The following ZNF639 variants were observed in gnomAD, a reference collection of about 807,000 sequenced individuals.
ZNF639 encodes the protein zinc finger protein 639.
ZNF639 carries 20 observed loss-of-function variants against 39.8 expected under a neutral mutation model. That is an observed-to-expected ratio of 0.50 (90% CI 0.35 to 0.73). The LOEUF is 0.73. Among genes scored for constraint, ZNF639 ranks in the 30% least tolerant of loss-of-function variants. ZNF639 has a pLI of 0.00. For missense variants in ZNF639, 477 were observed against 566.2 expected, an observed-to-expected ratio of 0.84 and a Z score of 1.60; for synonymous variants, 176 against 189.8, an observed-to-expected ratio of 0.93 and a Z score of 0.60.
chr3:179,331,971 AAAG>A (rs1422584320), intron 4 of ZNF639, among the ~76,000 whole-genome samples: 1 of 152,168 alleles, frequency 6.6e-6, no homozygotes, highest in Non-Finnish European at 1.5e-5. Flanking sequence ...ATTTTAAAAA[AAAG>A]AAAGCAGACA....
rs1727375729 is a variant in ZNF639 at position 179,323,155 on chromosome 3, T to A, written c.-219T>A. ...GGAGAGGGGTCGGCCCAGCACAGCG[T>A]CCGGGAGCGCTAGGGCCGGAGCAGC... On this transcript the variant is annotated 5_prime_UTR_variant, in exon 1 of 6. Coordinates refer to ENST00000496856, the MANE Select transcript of ZNF639 (RefSeq NM_001303426.2). 1.0e-6 allele frequency: 1 copy of A among 984,322 alleles called. No homozygotes were observed. Among genetic ancestry groups the A allele is most frequent in the Non-Finnish European group, 1.2e-6 (1 of 829,604 alleles). 61.0% of individuals were successfully genotyped at this position (984,322 alleles called of 1,614,324 possible). A position where few individuals can be genotyped will look rare whatever the true frequency, so the allele number is the denominator to read the frequency against.
Position 179,334,589 on chromosome 3 carries a change from A to G in ZNF639, c.*167A>G, listed in dbSNP as rs1269815742. ...GCATTGCTCCATTTTCTGTATATAA[A>G]TATATCTTTAATGTGGTATTTTCAA... On this transcript the variant is annotated 3_prime_UTR_variant, in exon 6 of 6. Transcript: ENST00000496856. 6.9e-6 allele frequency: 3 copies of G among 436,738 alleles called. No homozygotes were observed. The highest frequency in any genetic ancestry group is 3.9e-6 in the Non-Finnish European group (1 of 255,280). 27.1% of individuals were successfully genotyped at this position (436,738 alleles called of 1,614,324 possible). A position where few individuals can be genotyped will look rare whatever the true frequency, so the allele number is the denominator to read the frequency against.
chr3:179,329,142 A>G (rs1727762822), intron 3 of ZNF639, among the ~76,000 whole-genome samples: 1 of 152,206 alleles, frequency 6.6e-6, no homozygotes. Flanking sequence ...TACCCAGCCT[A>G]CACATTCTTC....
chr3:179,330,332 A>G (rs114573173), intron 4 of ZNF639, among the ~76,000 whole-genome samples: 1,644 of 152,252 alleles, frequency 0.011, 38 homozygotes, highest in African/African-American at 0.038. Context: ...CCATGCAGCC[A>G]TGTCTCACTC....
At position 179,333,222 on chromosome 3, in the gene ZNF639, G is replaced by T. The variant is rs1728016441; in HGVS notation, c.305-47G>T. ...TTTTTTTGCCCAGTTGTATTTAACA[G>T]ATCTTATTTAGTTATAGTCATATAA... On this transcript the variant is annotated intron_variant, in intron 5 of 5. Coordinates refer to ENST00000496856, the MANE Select transcript of ZNF639 (RefSeq NM_001303426.2). The T allele has an allele frequency of 1.9e-6, 3 of 1,559,842 alleles. No individual in the cohort carries two copies. The African/African-American group carries it at 4.1e-5, about 22-fold the overall frequency.
Position 179,328,774 on chromosome 3 carries a change from A to ATTTTT in ZNF639, c.58+438_58+442dup, listed in dbSNP as rs35129479. ...TGTAAACTTTCATGCTGAATGTGTAATTTTTTTTTTTTTTTTTTTGAGACA... is the reference window on the plus strand; with the variant it reads ...TGTAAACTTTCATGCTGAATGTGTAATTTTTTTTTTTTTTTTTTTTTTTTGAGACA... On this transcript the variant is annotated intron_variant, in intron 3 of 5. Coordinates refer to ENST00000496856, the MANE Select transcript of ZNF639 (RefSeq NM_001303426.2). Among the ~76,000 whole-genome samples, 7 of 135,506 alleles carry ATTTTT rather than the reference A, an allele frequency of 5.2e-5. 1 individual carries two copies. Among genetic ancestry groups the ATTTTT allele is most frequent in the African/African-American group, 1.6e-4 (6 of 36,458 alleles). The allele number at this position is 135,506 out of a possible 152,430, so 88.9% of individuals were successfully genotyped here.
chr3:179,330,712 A>T (rs1180591913), intron 4 of ZNF639, among the ~76,000 whole-genome samples: 1 of 146,872 alleles, frequency 6.8e-6, no homozygotes, highest in Non-Finnish European at 1.5e-5. Flanking sequence ...CATAGTGTGG[A>T]AGAAAAGAAC....
Position 179,337,682 on chromosome 3 carries a change from A to C in ZNF639, c.*3260A>C, listed in dbSNP as rs1711588133. On this transcript the variant is annotated 3_prime_UTR_variant, in exon 6 of 6. Coordinates refer to ENST00000496856, the MANE Select transcript of ZNF639 (RefSeq NM_001303426.2). ...AATCTGCAGCTTCAGGACCTATCCC[A>C]ATGACAGTTTGTCCCACAAAACCTT... is the stretch of plus-strand genomic sequence containing the variant. The C allele has an allele frequency of 6.6e-6, 1 of 152,094 alleles. No homozygotes were observed. The allele number at this position is 152,094 out of a possible 1,614,324, so 9.4% of individuals were successfully genotyped here.
chr3:179,328,813 T>C (rs1235476242), intron 3 of ZNF639, among the ~76,000 whole-genome samples: 4 of 148,888 alleles, frequency 2.7e-5, no homozygotes, highest in African/African-American at 7.4e-5. Context: ...TCTCACTCTC[T>C]AGCCCAGGCT....
chr3:179,324,355 A>G (rs1187157131), intron 1 of ZNF639, among the ~76,000 whole-genome samples: 1 of 152,172 alleles, frequency 6.6e-6, no homozygotes, highest in African/African-American at 2.4e-5. Flanking sequence ...AAAAATTTTT[A>G]AACATTTTTC....
intron 1 of ZNF639, among the ~76,000 whole-genome samples, chr3:179,325,749 C>G (rs1156965132): frequency 6.6e-6 from 1 of 151,946 alleles, no homozygotes; most frequent in Non-Finnish European, 1.5e-5. Flanking sequence ...AAAAATTAGC[C>G]GGGCGCCTGT....
At position 179,334,394 on chromosome 3, in the gene ZNF639, G is replaced by A. The variant is rs1452676948; in HGVS notation, c.1430G>A (p.Ser477Asn). ...TTTGGAAATGAAAGGGAATTAATAA[G>A]TCACCTTCCAGTCCATGAGACAACT... is the stretch of plus-strand genomic sequence containing the variant. ...MRFGNERELISHLPVHETT is the reference protein window; with the variant it reads ...MRFGNERELINHLPVHETT The change falls in exon 6 of 6, where the codon AGT (serine) becomes AAT (asparagine). Residue 477 changes from serine (S) to asparagine (N), a missense_variant. Physicochemically the swap from Ser to Asn is conservative, Grantham distance 46. Transcript: ENST00000496856. 1 of 1,568,558 alleles carries A rather than the reference G, an allele frequency of 6.4e-7. No homozygotes were observed. Among genetic ancestry groups the A allele is most frequent in the Admixed American group, 1.9e-5 (1 of 52,032 alleles).
At position 179,328,291 on chromosome 3, in the gene ZNF639, GAT is replaced by G. The variant is rs776920299; in HGVS notation, c.1_2del. 1 of 1,556,862 alleles carries G rather than the reference GAT, an allele frequency of 6.4e-7. No individual in the cohort carries two copies. The highest frequency in any genetic ancestry group is 1.4e-5 in the African/African-American group (1 of 72,852). ...TTTTTCTCGTTTTTTAGATTGAAAA[GAT>G]ATGAATGAGTATCCTAAAAAAAGAA... On this transcript the variant is annotated 5_prime_UTR_variant, in exon 3 of 6. Transcript: ENST00000496856.
At chr3:179,322,944 C>T, upstream of ZNF639, 3 of 985,244 alleles carry the variant, frequency 3.0e-6, no homozygotes, top group Non-Finnish European at 2.4e-6. Context: ...GGTGGTCCCT[C>T]CCAGGCCGCG....
chr3:179,323,402 A>T (rs1727391334), intron 1 of ZNF639, 111 bp downstream of exon 1: 1 of 984,512 alleles, frequency 1.0e-6, no homozygotes, highest in Non-Finnish European at 1.2e-6. Context: ...AGCTCCCTTT[A>T]TACGGAAACT....
intron 4 of ZNF639, among the ~76,000 whole-genome samples, chr3:179,331,667 C>T (rs921771484): frequency 2.0e-5 from 3 of 147,614 alleles, no homozygotes; most frequent in Non-Finnish European, 4.4e-5. Context: ...CCCAGCTACT[C>T]GGGAGGCTGA....
intron 1 of ZNF639, among the ~76,000 whole-genome samples, chr3:179,326,642 TGAGA>T (rs978783002): frequency 2.0e-5 from 3 of 151,854 alleles, no homozygotes; most frequent in African/African-American, 7.2e-5. Flanking sequence ...TTTTTGTTTT[TGAGA>T]GAGAGTCTTG....
chr3:179,334,821 C>G lies in ZNF639; in HGVS notation c.*399C>G, dbSNP rs1355197843. 6.5e-6 allele frequency: 1 copy of G among 153,170 alleles called. No individual in the cohort carries two copies. The highest frequency in any genetic ancestry group is 1.5e-5 in the Non-Finnish European group (1 of 68,942). 9.5% of individuals were successfully genotyped at this position (153,170 alleles called of 1,614,324 possible). A position where few individuals can be genotyped will look rare whatever the true frequency, so the allele number is the denominator to read the frequency against. On this transcript the variant is annotated 3_prime_UTR_variant, in exon 6 of 6. Transcript: ENST00000496856. ...TGAAGTCATTAAATTATTACACGACCAGAACTAAAATGCAATATACAGTTA... is the reference window on the plus strand; with the variant it reads ...TGAAGTCATTAAATTATTACACGACGAGAACTAAAATGCAATATACAGTTA...
In ZNF639 at chr3:179,323,164, G is replaced by T. The variant is rs1333996539; in HGVS notation, c.-210G>T. 4.1e-6 allele frequency: 4 copies of T among 984,602 alleles called. No individual in the cohort carries two copies. The East Asian group carries it at 3.4e-4, about 84-fold the overall frequency. The allele number at this position is 984,602 out of a possible 1,614,324, so 61.0% of individuals were successfully genotyped here. ...TCGGCCCAGCACAGCGTCCGGGAGC[G>T]CTAGGGCCGGAGCAGCGCTGCCCGC... On this transcript the variant is annotated 5_prime_UTR_variant, in exon 1 of 6. Coordinates refer to ENST00000496856, the MANE Select transcript of ZNF639 (RefSeq NM_001303426.2).
Sources: gnomAD v4.1 joint callset for allele counts (sites outside exome capture counted in the v4.1 genomes callset) on GRCh38, gnomAD v4.1.1 for gene constraint, MANE v1.5 for transcripts, NCBI Gene and HGNC (gene_info 2026-07-23, HGNC 2026-07-21) for gene names.